The following TEK variants were observed in gnomAD, a reference collection of about 807,000 sequenced individuals.
The protein encoded by TEK is TEK receptor tyrosine kinase.
A neutral mutation model predicts 131.8 loss-of-function variants in TEK; 43 were observed. The ratio of observed to expected loss-of-function variants is 0.33; its 90% CI spans 0.26 to 0.42. TEK has a LOEUF of 0.42. Among genes scored for constraint, TEK ranks in the 10% least tolerant of loss-of-function variants. The pLI is 1.00. For missense variants in TEK, 1,162 were observed against 1,384.4 expected (o/e 0.84, Z 2.55); for synonymous variants, 580 against 491.6 (o/e 1.18, Z -2.38).
rs537885439 is a variant in TEK at position 27,111,129 on chromosome 9, A to G, written c.52+1487A>G. ...GCAATACAGGCTTAGAAGAATTGTC[A>G]TAAAATCAAACAAAAAGGTATGTAG... On this transcript the variant is annotated intron_variant, in intron 1 of 22. Coordinates refer to ENST00000380036, the MANE Select transcript of TEK (RefSeq NM_000459.5). Among the ~76,000 whole-genome samples the G allele has an allele frequency of 2.3e-4, 35 of 152,344 alleles. No homozygotes were observed. In the East Asian group the frequency reaches 6.0e-3, roughly 26 times the overall value.
At chr9:27,171,193 C>G (rs1587547232) in intron 4 of TEK, among the ~76,000 whole-genome samples, 1 of 152,130 alleles carries the variant, frequency 6.6e-6, no homozygotes. Flanking sequence ...TTTACAGGAA[C>G]TTCACAAATA....
chr9:27,190,420 T>A (rs537211203), intron 9 of TEK, 109 bp from the exon 10 acceptor site: 120 of 1,399,060 alleles, frequency 8.6e-5, no homozygotes, highest in Non-Finnish European at 1.1e-4. Flanking sequence ...AGCAGAAAAC[T>A]TTAAGAGGAC....
chr9:27,204,780 T>C (rs113553370), intron 13 of TEK, 131 bp from the exon 14 acceptor site: 18 of 1,155,966 alleles, frequency 1.6e-5, no homozygotes, highest in Middle Eastern at 2.8e-4. Flanking sequence ...CCCGAGGTCA[T>C]ATAGTGGTTA....
chr9:27,119,951 C>A (rs664983), intron 1 of TEK, among the ~76,000 whole-genome samples: 1 of 151,882 alleles, frequency 6.6e-6, no homozygotes, highest in Non-Finnish European at 1.5e-5. Flanking sequence ...TAGCTCTCCC[C>A]CCATTTCAGC....
intron 1 of TEK, among the ~76,000 whole-genome samples, chr9:27,132,860 A>G (rs901591981): frequency 2.6e-5 from 4 of 152,180 alleles, no homozygotes; most frequent in African/African-American, 9.7e-5. Flanking sequence ...GGAGGTAGAA[A>G]GAGAGAGAGA....
rs886063820 is a variant in TEK, at chr9:27,185,538, C to A, written c.1236C>A (p.His412Gln). ...DHFSVAIFTIHRILPPDSGVW... is the reference protein window; with the variant it reads ...DHFSVAIFTIQRILPPDSGVW... ...TCTCAGTAGCCATATTCACCATCCA[C>A]CGGATCCTCCCCCCTGACTCAGGAG... The change falls in exon 9 of 23, where the codon CAC (histidine) becomes CAA (glutamine). Residue 412 changes from histidine to glutamine, a missense_variant. His to Gln is a conservative substitution (Grantham distance 24, BLOSUM62 0). Transcript: ENST00000380036. 3.1e-6 allele frequency: 5 copies of A among 1,613,834 alleles called. No individual in the cohort carries two copies. The highest frequency in any genetic ancestry group is 4.2e-6 in the Non-Finnish European group (5 of 1,179,804).
At chr9:27,197,178 C>A in intron 11 of TEK, 137 bp from the exon 12 acceptor site, 1 of 859,388 alleles carries the variant, frequency 1.2e-6, no homozygotes, top group South Asian at 1.6e-5. Flanking sequence ...GGAAGTCACA[C>A]TCATCAACCA....
In TEK at chr9:27,152,683, C is replaced by T. The variant is rs573013033; in HGVS notation, c.53-5148C>T. ...GGTCTAGAGTCCATTCTGTTGATTT[C>T]ACCTCTTCCACTCTCAGAAACTTCT... On this transcript the variant is annotated intron_variant, in intron 1 of 22. Coordinates refer to ENST00000380036, the MANE Select transcript of TEK (RefSeq NM_000459.5). Among the ~76,000 whole-genome samples the T allele has an allele frequency of 4.3e-4, 64 of 149,832 alleles. 1 individual carries two copies. In the South Asian group the frequency reaches 0.012, roughly 29 times the overall value.
chr9:27,207,027 A>G (rs1213382207), intron 15 of TEK, among the ~76,000 whole-genome samples: 1 of 152,220 alleles, frequency 6.6e-6, no homozygotes, highest in Admixed American at 6.5e-5. Flanking sequence ...ATGAGATACT[A>G]TAGATTCTTG....
At chr9:27,175,129 C>A in intron 6 of TEK, among the ~76,000 whole-genome samples, 1 of 101,728 alleles carries the variant, frequency 9.8e-6, no homozygotes. Context: ...TAATGCTATC[C>A]CTCCCCCCTC....
At chr9:27,219,669 A>C (rs1268429510) in intron 20 of TEK, among the ~76,000 whole-genome samples, 1 of 49,186 alleles carries the variant, frequency 2.0e-5, no homozygotes, top group Admixed American at 1.9e-4. Flanking sequence ...GTAATTAAAA[A>C]ACTGGCCATA....
chr9:27,181,547 T>A (rs1372870215), intron 7 of TEK, among the ~76,000 whole-genome samples: 2 of 152,182 alleles, frequency 1.3e-5, no homozygotes, highest in African/African-American at 4.8e-5. Flanking sequence ...TTTTTGAGGT[T>A]TATCTATGTT....
At position 27,217,785 on chromosome 9, in the gene TEK, A is replaced by ATT. The variant is rs111512563; in HGVS notation, c.3062+34_3062+35dup. The stretch of plus-strand genomic sequence containing the variant: ...TGAGTAAACTTCTTATTGCCAAGGG[A>ATT]TTTTTTTTCCCTCCCAGAAACATAT... On this transcript the variant is annotated intron_variant, in intron 19 of 22. Coordinates refer to ENST00000380036, the MANE Select transcript of TEK (RefSeq NM_000459.5). 11,299 of 1,546,412 alleles carry ATT rather than the reference A, an allele frequency of 7.3e-3. 79 individuals carry two copies. Among genetic ancestry groups the ATT allele is most frequent in the African/African-American group, 0.037 (2,502 of 68,526 alleles).
At chr9:27,184,175 T>C (rs1824505705) in intron 8 of TEK, among the ~76,000 whole-genome samples, 1 of 152,170 alleles carries the variant, frequency 6.6e-6, no homozygotes. Context: ...TCATTGGGTT[T>C]CTACCCACCT....
intron 4 of TEK, among the ~76,000 whole-genome samples, chr9:27,170,117 G>A (rs1467933433): frequency 6.6e-6 from 1 of 152,006 alleles, no homozygotes; most frequent in Non-Finnish European, 1.5e-5. Context: ...GTGAAGGAGA[G>A]GGGGAAGCAC....
chr9:27,119,163 C>G (rs1218495858), intron 1 of TEK, among the ~76,000 whole-genome samples: 1 of 152,078 alleles, frequency 6.6e-6, no homozygotes, highest in Non-Finnish European at 1.5e-5. Flanking sequence ...ATGATGGAGA[C>G]AAGAGTTACA....
chr9:27,141,383 A>G (rs1822717432), intron 1 of TEK, among the ~76,000 whole-genome samples: 2 of 152,114 alleles, frequency 1.3e-5, no homozygotes, highest in Admixed American at 6.6e-5. Context: ...TTCTAGTATT[A>G]AATAGTGAAA....
At chr9:27,222,779 C>G (rs1024331028) in intron 21 of TEK, among the ~76,000 whole-genome samples, 6 of 152,074 alleles carry the variant, frequency 3.9e-5, no homozygotes, top group Non-Finnish European at 8.8e-5. Flanking sequence ...TAAAGACCAT[C>G]GACACTACAA....
At chr9:27,115,575 C>A (rs954510500) in intron 1 of TEK, among the ~76,000 whole-genome samples, 184 of 152,238 alleles carry the variant, frequency 1.2e-3, no homozygotes, top group Non-Finnish European at 4.4e-4. Flanking sequence ...CGTGGAATGT[C>A]AACTAAAGAA....
Sources: allele counts gnomAD v4.1 joint callset (sites outside exome capture counted in the v4.1 genomes callset), GRCh38; gene constraint gnomAD v4.1.1; transcripts MANE v1.5; gene names NCBI Gene and HGNC (gene_info 2026-07-23, HGNC 2026-07-21).